The following OGDH variants were observed in gnomAD, a reference collection of about 807,000 sequenced individuals.
The protein encoded by OGDH is oxoglutarate dehydrogenase, also known as 2-oxoglutarate dehydrogenase complex component E1.
A neutral mutation model predicts 116.6 loss-of-function variants in OGDH; 38 were observed. That is an observed-to-expected ratio of 0.33 (90% confidence interval 0.25 to 0.43). The LOEUF (loss-of-function observed/expected upper bound fraction) is 0.43, where lower values mean the gene tolerates loss of function less well. Ranked by LOEUF, OGDH falls within the 20% of genes least tolerant of loss-of-function variation. The pLI, the probability that OGDH is intolerant of heterozygous loss-of-function variation, is 1.00. For missense variants in OGDH, 825 were observed against 1,357.2 expected (o/e 0.61, Z 6.16); for synonymous variants, 488 against 533.3 (o/e 0.92, Z 1.17).
At chr7:44,663,057 T>G (rs1787018676) in intron 4 of OGDH, among the ~76,000 whole-genome samples, 1 of 152,162 alleles carries the variant, frequency 6.6e-6, no homozygotes, top group African/African-American at 2.4e-5. Context: ...TTTTATCCAT[T>G]TATATGTATG....
chr7:44,692,442 A>G (rs1297918696), intron 10 of OGDH, among the ~76,000 whole-genome samples: 2 of 152,220 alleles, frequency 1.3e-5, no homozygotes, highest in Non-Finnish European at 2.9e-5. Context: ...TATACTGTTT[A>G]CGGACATATG....
At chr7:44,661,034 T>C (rs1294457421) in intron 4 of OGDH, among the ~76,000 whole-genome samples, 1 of 152,232 alleles carries the variant, frequency 6.6e-6, no homozygotes, top group Admixed American at 6.5e-5. Context: ...TAGTCAGTTA[T>C]TGAGAGAGGG....
At chr7:44,701,699 C>T in intron 20 of OGDH, 84 bp downstream of exon 20, 2 of 1,316,462 alleles carry the variant, frequency 1.5e-6, no homozygotes, top group Non-Finnish European at 2.2e-6. Context: ...GCTCATGGGA[C>T]TGACATTTGT....
chr7:44,698,990 A>G (rs1428750815), intron 18 of OGDH, among the ~76,000 whole-genome samples: 2 of 152,002 alleles, frequency 1.3e-5, no homozygotes, highest in East Asian at 3.9e-4. Flanking sequence ...CTAAAAATAC[A>G]AAAACTAGCT....
At position 44,694,087 on chromosome 7, in the gene OGDH, G is replaced by A. The variant is rs1788479561; in HGVS notation, c.1515+83G>A. On this transcript the variant is annotated intron_variant, in intron 11 of 22. Transcript: ENST00000222673. This position sits in a 1 kb window ranked among gnomAD's most constrained non-coding sequence, Gnocchi z 4.2. ...CCTCGGCACCCCTGTGTCCCAAGGA[G>A]AGGAGCTTGTCTAGATGAGTCACCT... The A allele has an allele frequency of 6.9e-7, 1 of 1,441,478 alleles. No individual in the cohort carries two copies. The highest frequency in any genetic ancestry group is 1.4e-5 in the African/African-American group (1 of 71,048). 89.3% of individuals were successfully genotyped at this position (1,441,478 alleles called of 1,614,324 possible).
intron 4 of OGDH, among the ~76,000 whole-genome samples, chr7:44,660,188 G>C (rs1287563697): frequency 6.6e-6 from 1 of 152,108 alleles, no homozygotes; most frequent in Non-Finnish European, 1.5e-5. Flanking sequence ...GCAGTGGCAT[G>C]GTCACAGCTC....
chr7:44,691,981 TAA>T (rs371665967), intron 10 of OGDH, among the ~76,000 whole-genome samples: 53,190 of 100,738 alleles, frequency 0.53, 13,306 homozygotes, highest in East Asian at 0.58. Context: ...GACTCTGTCT[TAA>T]AAAAAAAAAA....
intron 2 of OGDH, among the ~76,000 whole-genome samples, chr7:44,640,179 G>A (rs568601095): frequency 2.6e-5 from 4 of 152,182 alleles, no homozygotes; most frequent in Middle Eastern, 3.2e-3. Context: ...GCCCAGAAGC[G>A]CCCAGCTCTC....
Position 44,697,270 on chromosome 7 carries a change from G to A in OGDH, c.2052-100G>A. 6.5e-7 allele frequency: 1 copy of A among 1,543,232 alleles called. No homozygotes were observed. The highest frequency in any genetic ancestry group is 8.8e-7 in the Non-Finnish European group (1 of 1,132,176). On this transcript the variant is annotated intron_variant, in intron 15 of 22. Transcript: ENST00000222673. This position sits in a 1 kb window ranked among gnomAD's most constrained non-coding sequence, Gnocchi z 6.0. ...TGCAGCTGCCTGGCCAGAAGTCCAG[G>A]TCACAGAGCATGGCATCTGCTGGTG... is the stretch of plus-strand genomic sequence containing the variant.
chr7:44,651,639 G>C (rs150485819), intron 4 of OGDH, among the ~76,000 whole-genome samples: 1 of 152,110 alleles, frequency 6.6e-6, no homozygotes, highest in Non-Finnish European at 1.5e-5. Context: ...TCGGCTCACT[G>C]CACTCTCCGC....
rs1037295168 is a variant in OGDH, at chr7:44,629,575, C to CTTT, written c.222+5012_222+5014dup. 2.6e-4 allele frequency among the ~76,000 whole-genome samples: 35 copies of CTTT among 134,426 alleles called. 2 individuals are homozygous for CTTT. Among genetic ancestry groups the CTTT allele is most frequent in the African/African-American group, 6.1e-4 (22 of 36,076 alleles). 88.2% of individuals were successfully genotyped at this position (134,426 alleles called of 152,430 possible). A position where few individuals can be genotyped will look rare whatever the true frequency, so the allele number is the denominator to read the frequency against. ...TTTCTTTTCTTTCCTTTTTCTTTTT[C>CTTT]TTTTCTTTTTTTTTTTTTTTTTTGA... is the stretch of plus-strand genomic sequence containing the variant. On this transcript the variant is annotated intron_variant, in intron 2 of 22. Coordinates refer to ENST00000222673, the MANE Select transcript of OGDH (RefSeq NM_002541.4).
At chr7:44,703,944 C>T (rs942718284) in intron 20 of OGDH, among the ~76,000 whole-genome samples, 1 of 151,934 alleles carries the variant, frequency 6.6e-6, no homozygotes, top group Non-Finnish European at 1.5e-5. Context: ...TTTTGCTCAT[C>T]CATTCATCTG....
intron 4 of OGDH, among the ~76,000 whole-genome samples, chr7:44,657,716 C>T (rs538819903): frequency 6.6e-6 from 1 of 152,264 alleles, no homozygotes; most frequent in East Asian, 1.9e-4. Flanking sequence ...AGCCCTAGAT[C>T]CCCAAAATGT....
intron 1 of OGDH, among the ~76,000 whole-genome samples, chr7:44,609,621 C>A (rs868023844): frequency 6.6e-6 from 1 of 152,038 alleles, no homozygotes; most frequent in Non-Finnish European, 1.5e-5. Context: ...TTACTGTTTC[C>A]ATTCTTTGGC....
chr7:44,694,504 G>A lies in OGDH; in HGVS notation c.1596G>A (p.Lys532=). 1 of 1,614,040 alleles carries A rather than the reference G, an allele frequency of 6.2e-7. No individual in the cohort carries two copies. The highest frequency in any genetic ancestry group is 8.5e-7 in the Non-Finnish European group (1 of 1,180,012). ...TQPLMYKQIR[K]QKPVLQKYAE... ...CGCTCATGTACAAGCAGATCCGCAA[G>A]CAGAAGCCTGTGTTACAGAAGTACG... is the stretch of plus-strand genomic sequence containing the variant. Residue 532 remains lysine (K), a synonymous_variant, in exon 12 of 23, where the codon AAG becomes AAA. Transcript: ENST00000222673. The surrounding 1 kb of genome is among the most constrained non-coding windows in gnomAD (Gnocchi z 4.2).
At chr7:44,688,673 G>C (rs1301631100) in intron 10 of OGDH, among the ~76,000 whole-genome samples, 3 of 151,392 alleles carry the variant, frequency 2.0e-5, no homozygotes, top group Admixed American at 1.3e-4. Flanking sequence ...CTCATGATCC[G>C]CCAGCCTCGG....
intron 13 of OGDH, 114 bp from the exon 14 acceptor site, chr7:44,696,313 CAG>C: frequency 7.5e-7 from 1 of 1,325,676 alleles, no homozygotes; most frequent in Non-Finnish European, 1.1e-6. Flanking sequence ...CTGGGGAACA[CAG>C]TGTGAGCTAC....
chr7:44,704,937 C>G (rs1287401749), intron 20 of OGDH, among the ~76,000 whole-genome samples: 2 of 151,898 alleles, frequency 1.3e-5, no homozygotes, highest in South Asian at 2.1e-4. Flanking sequence ...TCTTGAACTC[C>G]TGACCTCAGG....
chr7:44,634,164 C>T (rs1463854848), intron 2 of OGDH, among the ~76,000 whole-genome samples: 2 of 152,252 alleles, frequency 1.3e-5, no homozygotes, highest in East Asian at 3.8e-4. Context: ...TGGCTGTTCA[C>T]TGGGCCCTGC....
Sources: allele counts gnomAD v4.1 joint callset (sites outside exome capture counted in the v4.1 genomes callset), GRCh38; gene constraint gnomAD v4.1.1; non-coding constraint Gnocchi (gnomAD v3.1); transcripts MANE v1.5; gene names NCBI Gene and HGNC (gene_info 2026-07-23, HGNC 2026-07-21).